Variants in ENTREP2 observed in about 807,000 individuals in gnomAD.
ENTREP2 encodes endosomal transmembrane epsin interactor 2, also known as protein ENTREP2.
the ENTREP2 span, among the ~76,000 whole-genome samples, chr15:29,140,996 G>T: frequency 6.6e-6 from 1 of 152,190 alleles, no homozygotes; most frequent in Admixed American, 6.5e-5. Flanking sequence ...TTGAGACCCC[G>T]CTGGAGAAGA....
At chr15:29,259,019 C>T in the ENTREP2 span, among the ~76,000 whole-genome samples, 2 of 152,192 alleles carry the variant, frequency 1.3e-5, no homozygotes, top group Admixed American at 1.3e-4. Context: ...TTTGAATCAA[C>T]TATTTCATAA....
At chr15:29,284,731 A>G in the ENTREP2 span, among the ~76,000 whole-genome samples, 1 of 152,214 alleles carries the variant, frequency 6.6e-6, no homozygotes, top group African/African-American at 2.4e-5. Context: ...ACCTGCAGTC[A>G]GGAAACACAG....
chr15:29,619,341 T>G, the ENTREP2 span, among the ~76,000 whole-genome samples: 1 of 152,048 alleles, frequency 6.6e-6, no homozygotes, highest in Non-Finnish European at 1.5e-5. Context: ...GCAGTGAGCC[T>G]AGGTTGTGTC....
At chr15:29,555,336 T>C in the ENTREP2 span, among the ~76,000 whole-genome samples, 2 of 152,192 alleles carry the variant, frequency 1.3e-5, no homozygotes, top group Admixed American at 6.5e-5. Flanking sequence ...CATGAGTCAG[T>C]GTTTGACAGC....
the ENTREP2 span, among the ~76,000 whole-genome samples, chr15:29,222,120 G>A: frequency 1.3e-5 from 2 of 152,136 alleles, no homozygotes; most frequent in Non-Finnish European, 2.9e-5. Flanking sequence ...TAGGAGGTCA[G>A]CACAAGATAC....
At chr15:29,561,712 A>AT in the ENTREP2 span, among the ~76,000 whole-genome samples, 22 of 142,482 alleles carry the variant, frequency 1.5e-4, no homozygotes, top group Non-Finnish European at 2.2e-4. Context: ...AATAATAATA[A>AT]AATAAATAAA....
the ENTREP2 span, among the ~76,000 whole-genome samples, chr15:29,414,048 T>C: frequency 6.6e-6 from 1 of 152,074 alleles, no homozygotes; most frequent in Non-Finnish European, 1.5e-5. Flanking sequence ...ACAATAATAA[T>C]GGGAGACTTT....
the ENTREP2 span, among the ~76,000 whole-genome samples, chr15:29,603,998 T>C: frequency 1.3e-5 from 2 of 152,018 alleles, no homozygotes; most frequent in African/African-American, 4.8e-5. Context: ...AATATATCTA[T>C]ATGGTAGATT....
the ENTREP2 span, among the ~76,000 whole-genome samples, chr15:29,579,075 T>C: frequency 1.3e-5 from 2 of 152,198 alleles, no homozygotes; most frequent in East Asian, 1.9e-4. Context: ...GGAAAAACTA[T>C]GAAAATTATG....
the ENTREP2 span, among the ~76,000 whole-genome samples, chr15:29,655,891 G>C: frequency 1.5e-4 from 23 of 151,976 alleles, no homozygotes; most frequent in African/African-American, 4.8e-4. Context: ...TGGGTGCAGC[G>C]GTGCATGCCT....
At chr15:29,630,328 A>T in the ENTREP2 span, among the ~76,000 whole-genome samples, 1 of 152,162 alleles carries the variant, frequency 6.6e-6, no homozygotes, top group Middle Eastern at 3.2e-3. Flanking sequence ...GATGATGAAC[A>T]TTCTGTCATT....
chr15:29,377,382 C>CTG, the ENTREP2 span, among the ~76,000 whole-genome samples: 2 of 151,830 alleles, frequency 1.3e-5, no homozygotes, highest in Non-Finnish European at 2.9e-5. Context: ...CCCACGGCAT[C>CTG]TGTGTGTGTG....
the ENTREP2 span, among the ~76,000 whole-genome samples, chr15:29,262,080 G>GGA: frequency 2.8e-4 from 15 of 54,316 alleles, no homozygotes; most frequent in African/African-American, 7.8e-4. Context: ...AATGGCTCCA[G>GGA]AAAAAAAAAA....
At chr15:29,339,216 G>A in the ENTREP2 span, among the ~76,000 whole-genome samples, 3 of 152,378 alleles carry the variant, frequency 2.0e-5, no homozygotes, top group South Asian at 4.1e-4. Context: ...ATTCGGCTTT[G>A]ATGCCATGGG....
chr15:29,170,307 CAAAAAAAAAAAA>C, the ENTREP2 span, among the ~76,000 whole-genome samples: 1 of 57,370 alleles, frequency 1.7e-5, no homozygotes, highest in Non-Finnish European at 2.9e-5. Context: ...GACTCCATCT[CAAAAAAAAAAAA>C]AAAAAAAAAA....
chr15:29,128,858 T>C, the ENTREP2 span: 3 of 1,550,160 alleles, frequency 1.9e-6, no homozygotes, highest in Non-Finnish European at 2.6e-6. Context: ...TGACCTATAC[T>C]TGTAACCTAC....
the ENTREP2 span, among the ~76,000 whole-genome samples, chr15:29,377,561 CACCT>C: frequency 6.6e-6 from 1 of 152,074 alleles, no homozygotes; most frequent in East Asian, 1.9e-4. Context: ...CAGTGGCTTA[CACCT>C]GTAATTCCAG....
At chr15:29,401,716 A>G in the ENTREP2 span, among the ~76,000 whole-genome samples, 2 of 152,250 alleles carry the variant, frequency 1.3e-5, no homozygotes, top group Non-Finnish European at 2.9e-5. Flanking sequence ...GACGTTTACT[A>G]CAAAAACCTG....
At chr15:29,244,987 G>A in the ENTREP2 span, among the ~76,000 whole-genome samples, 1 of 152,150 alleles carries the variant, frequency 6.6e-6, no homozygotes, top group African/African-American at 2.4e-5. Context: ...TATTTGAACA[G>A]TTTTAGCCAC....
Sources: gnomAD v4.1 joint callset for allele counts (sites outside exome capture counted in the v4.1 genomes callset) on GRCh38, gnomAD v4.1.1 for gene constraint, MANE v1.5 for transcripts, NCBI Gene and HGNC (gene_info 2026-07-23, HGNC 2026-07-21) for gene names.